HCRTR2: variants seen among roughly 807,000 people sequenced by gnomAD.
The protein encoded by HCRTR2 is orexin receptor type 2.
HCRTR2 carries 22 observed loss-of-function variants against 49.0 expected under a neutral mutation model. The ratio of observed to expected loss-of-function variants is 0.45; its 90% CI spans 0.32 to 0.64. The LOEUF (loss-of-function observed/expected upper bound fraction) is 0.64, where lower values mean the gene tolerates loss of function less well. Among genes scored for constraint, HCRTR2 ranks in the 30% least tolerant of loss-of-function variants. The probability of loss-of-function intolerance (pLI) is 0.04; values close to 1 mark genes in which losing one functional copy is unlikely to be tolerated. For synonymous variants in HCRTR2, 236 were observed against 205.3 expected, an observed-to-expected ratio of 1.15 and a Z score of -1.28; for missense variants, 491 against 559.4, an observed-to-expected ratio of 0.88 and a Z score of 1.23.
chr6:55,271,633 T>C (rs1277038405), intron 4 of HCRTR2, among the ~76,000 whole-genome samples: 1 of 152,110 alleles, frequency 6.6e-6, no homozygotes, highest in Non-Finnish European at 1.5e-5. Context: ...AAATCATATA[T>C]GTGTTAAGGA....
At chr6:55,163,429 T>C (rs1187458132) in intron 1 of HCRTR2, among the ~76,000 whole-genome samples, 1 of 152,008 alleles carries the variant, frequency 6.6e-6, no homozygotes, top group East Asian at 1.9e-4. Context: ...AAAACAGATA[T>C]ATAGACCAAT....
At chr6:55,140,474 A>C (rs1764491647) in intron 1 of HCRTR2, among the ~76,000 whole-genome samples, 1 of 152,196 alleles carries the variant, frequency 6.6e-6, no homozygotes, top group South Asian at 2.1e-4. Context: ...CTTTCTTTTC[A>C]GAAGCAAATG....
At chr6:55,170,264 ATATTG>A (rs1764929466), upstream of HCRTR2, among the ~76,000 whole-genome samples, 1 of 148,720 alleles carries the variant, frequency 6.7e-6, no homozygotes, top group Non-Finnish European at 1.5e-5. Context: ...ATATATAAAT[ATATTG>A]TATTTATTTA....
intron 1 of HCRTR2, among the ~76,000 whole-genome samples, chr6:55,225,783 C>T (rs1765992566): frequency 6.6e-6 from 1 of 152,088 alleles, no homozygotes; most frequent in Admixed American, 6.5e-5. Context: ...TTTTCTTAAT[C>T]AACAGAAACT....
intron 1 of HCRTR2, chr6:55,240,707 C>G (rs752166124): frequency 2.9e-6 from 1 of 342,198 alleles, no homozygotes; most frequent in Non-Finnish European, 5.8e-6. Flanking sequence ...TTTGTTTTAC[C>G]TTTTTAAGAT....
intron 1 of HCRTR2, among the ~76,000 whole-genome samples, chr6:55,115,239 T>C (rs1764099465): frequency 2.0e-5 from 3 of 151,772 alleles, no homozygotes; most frequent in African/African-American, 4.8e-5. Context: ...AACCTACTTA[T>C]TCAATTTTGA....
intron 5 of HCRTR2, among the ~76,000 whole-genome samples, chr6:55,277,804 C>T (rs1282738241): frequency 6.6e-6 from 1 of 151,968 alleles, no homozygotes; most frequent in African/African-American, 2.4e-5. Context: ...TTTTGTCATG[C>T]GTATTCTCAG....
upstream of HCRTR2, among the ~76,000 whole-genome samples, chr6:55,170,386 T>C (rs987971703): frequency 6.6e-6 from 1 of 150,858 alleles, no homozygotes; most frequent in Non-Finnish European, 1.5e-5. Flanking sequence ...GCATAGAATG[T>C]GTAATGGTCA....
At chr6:55,263,925 C>G in intron 4 of HCRTR2, 103 bp downstream of exon 4, 1 of 739,014 alleles carries the variant, frequency 1.4e-6, no homozygotes, top group Non-Finnish European at 2.4e-6. Context: ...TTAGGATGCA[C>G]TTATAAACAA....
chr6:55,239,292 C>T (rs1435232158), intron 1 of HCRTR2, among the ~76,000 whole-genome samples: 1 of 152,158 alleles, frequency 6.6e-6, no homozygotes, highest in Non-Finnish European at 1.5e-5. Context: ...GCTCTTGGTG[C>T]CAGAAGGCTT....
chr6:55,264,078 TTAAG>T (rs1269405727), intron 4 of HCRTR2, among the ~76,000 whole-genome samples: 3 of 152,080 alleles, frequency 2.0e-5, no homozygotes, highest in Non-Finnish European at 4.4e-5. Flanking sequence ...TATAAACTGA[TTAAG>T]TACTTTACAT....
intron 1 of HCRTR2, among the ~76,000 whole-genome samples, chr6:55,124,188 T>C (rs1764242265): frequency 6.6e-6 from 1 of 152,208 alleles, no homozygotes; most frequent in South Asian, 2.1e-4. Context: ...GCTTCTCTAG[T>C]TCTTTTAATT....
intron 1 of HCRTR2, among the ~76,000 whole-genome samples, chr6:55,241,675 T>C (rs1408427796): frequency 3.3e-5 from 5 of 152,088 alleles, no homozygotes; most frequent in Non-Finnish European, 5.9e-5. Context: ...TGCATTGATA[T>C]ATTGGAACTA....
chr6:55,275,371 C>T (rs1470098168), intron 4 of HCRTR2, among the ~76,000 whole-genome samples: 2 of 152,074 alleles, frequency 1.3e-5, no homozygotes, highest in African/African-American at 2.4e-5. Context: ...TTAAGGATTA[C>T]TAGTGCATAG....
chr6:55,204,148 C>T (rs2127286662), intron 1 of HCRTR2, among the ~76,000 whole-genome samples: 1 of 152,202 alleles, frequency 6.6e-6, no homozygotes, highest in Non-Finnish European at 1.5e-5. Flanking sequence ...AATCTGCTTA[C>T]CTATCCAGCA....
intron 1 of HCRTR2, among the ~76,000 whole-genome samples, chr6:55,139,781 AG>A (rs1212046720): frequency 1.3e-5 from 2 of 152,206 alleles, no homozygotes; most frequent in African/African-American, 4.8e-5. Context: ...TTGGTCAAAG[AG>A]GAGCCAAGCA....
intron 1 of HCRTR2, among the ~76,000 whole-genome samples, chr6:55,110,292 A>G (rs765988952): frequency 1.4e-4 from 21 of 152,092 alleles, no homozygotes; most frequent in Non-Finnish European, 2.1e-4. Flanking sequence ...CACAGGACCT[A>G]TAAAACAATA....
chr6:55,214,004 C>G (rs534664370), intron 1 of HCRTR2, among the ~76,000 whole-genome samples: 6 of 151,276 alleles, frequency 4.0e-5, no homozygotes, highest in African/African-American at 1.2e-4. Context: ...TGAGTTTTTA[C>G]CACACCAATC....
chr6:55,277,333 C>A (rs200997096), intron 4 of HCRTR2, 47 bp from the exon 5 acceptor site: 36 of 1,506,722 alleles, frequency 2.4e-5, no homozygotes, highest in Non-Finnish European at 3.1e-5. Context: ...CAAAGTGGAA[C>A]TTTCCTAAGT....
Sources: gnomAD v4.1 joint callset for allele counts (sites outside exome capture counted in the v4.1 genomes callset) on GRCh38, gnomAD v4.1.1 for gene constraint, MANE v1.5 for transcripts, NCBI Gene and HGNC (gene_info 2026-07-23, HGNC 2026-07-21) for gene names.